ABCB4: variants seen among roughly 807,000 people sequenced by gnomAD.
The protein encoded by ABCB4 is phosphatidylcholine translocator ABCB4.
In ABCB4, 76 loss-of-function variants were observed where a neutral mutation model predicts 145.7. That is an observed-to-expected ratio of 0.52 (90% CI 0.43 to 0.63). The LOEUF (loss-of-function observed/expected upper bound fraction) is 0.63, where lower values mean the gene tolerates loss of function less well. Among genes scored for constraint, ABCB4 ranks in the 30% least tolerant of loss-of-function variants. The probability of loss-of-function intolerance (pLI) is 0.00; values close to 1 mark genes in which losing one functional copy is unlikely to be tolerated. For missense variants in ABCB4, 1,234 were observed against 1,553.1 expected, an observed-to-expected ratio of 0.79 and a Z score of 3.45; for synonymous variants, 517 against 566.8, an observed-to-expected ratio of 0.91 and a Z score of 1.25.
At chr7:87,465,690 T>C (rs1812833933) in intron 3 of ABCB4, among the ~76,000 whole-genome samples, 1 of 152,126 alleles carries the variant, frequency 6.6e-6, no homozygotes, top group South Asian at 2.1e-4. Context: ...CGGGCAGCCC[T>C]CTGAGACGAA....
intron 26 of ABCB4, among the ~76,000 whole-genome samples, chr7:87,404,967 T>C (rs1201616140): frequency 6.6e-6 from 1 of 152,216 alleles, no homozygotes; most frequent in East Asian, 1.9e-4. Flanking sequence ...AGCAGTGGCT[T>C]ATAAACTAAA....
At chr7:87,379,148 C>T in the ABCB4 span, among the ~76,000 whole-genome samples, 1 of 152,110 alleles carries the variant, frequency 6.6e-6, no homozygotes, top group African/African-American at 2.4e-5. Flanking sequence ...TGGCTTCTTC[C>T]CTTCATTTCC....
the ABCB4 span, among the ~76,000 whole-genome samples, chr7:87,387,506 G>A: frequency 3.9e-4 from 59 of 151,598 alleles, no homozygotes; most frequent in Non-Finnish European, 7.1e-4. Context: ...ATGGAGGTTA[G>A]GGGTCCCCAA....
chr7:87,462,871 G>A lies in ABCB4; in HGVS notation c.173C>T (p.Ser58Leu), dbSNP rs369983965. 49 of 1,613,532 alleles carry A rather than the reference G, an allele frequency of 3.0e-5. No individual in the cohort carries two copies. The highest frequency in any genetic ancestry group is 4.4e-5 in the South Asian group (4 of 91,038). Residue 58 changes from serine to leucine, a missense_variant, in exon 4 of 28, where the codon TCG becomes TTG. Physicochemically the swap from Ser to Leu is moderately radical, Grantham distance 145 (BLOSUM62 -2). Around this residue, in one of 7 missense-constraint regions of ABCB4, gnomAD observed 77 missense variants for 73.3 expected, o/e 1.05. Transcript: ENST00000649586. ...AGCTATGGCCATGATGGTACCCAGC[G>A]ACATAAACAATTTATCCTGCCAATC... ...YSDWQDKLFM[S>L]LGTIMAIAHG...
intron 4 of ABCB4, among the ~76,000 whole-genome samples, chr7:87,461,367 T>TC (rs978623161): frequency 6.6e-6 from 1 of 152,214 alleles, no homozygotes; most frequent in Non-Finnish European, 1.5e-5. Flanking sequence ...CACTTTTTTT[T>TC]CCGAATCATC....
chr7:87,419,593 T>C (rs1199878212), intron 19 of ABCB4, among the ~76,000 whole-genome samples: 1 of 152,078 alleles, frequency 6.6e-6, no homozygotes, highest in Non-Finnish European at 1.5e-5. Flanking sequence ...GTTAGTATGG[T>C]AGATTGTGGT....
At chr7:87,369,058 T>C in the ABCB4 span, among the ~76,000 whole-genome samples, 1 of 152,176 alleles carries the variant, frequency 6.6e-6, no homozygotes, top group Non-Finnish European at 1.5e-5. Flanking sequence ...ATTCCACTGG[T>C]CTCCTTCTCC....
At chr7:87,367,910 C>T in the ABCB4 span, among the ~76,000 whole-genome samples, 1 of 152,224 alleles carries the variant, frequency 6.6e-6, no homozygotes, top group Non-Finnish European at 1.5e-5. Flanking sequence ...CATACCTTCT[C>T]TTCACCCTTG....
chr7:87,416,350 G>A (rs1178070681), intron 21 of ABCB4, among the ~76,000 whole-genome samples: 1 of 152,190 alleles, frequency 6.6e-6, no homozygotes, highest in Non-Finnish European at 1.5e-5. Context: ...CTTCCCTATA[G>A]AGATACTGTC....
At position 87,443,207 on chromosome 7, in the gene ABCB4, G is replaced by T. The variant is rs2116713440; in HGVS notation, c.1356+112C>A. 8 of 1,413,710 alleles carry T rather than the reference G, an allele frequency of 5.7e-6. No individual in the cohort carries two copies. The South Asian group carries it at 9.3e-5, about 16-fold the overall frequency. 87.6% of individuals were successfully genotyped at this position (1,413,710 alleles called of 1,614,324 possible). On this transcript the variant is annotated intron_variant, in intron 12 of 27. Coordinates refer to ENST00000649586, the MANE Select transcript of ABCB4 (RefSeq NM_000443.4). ...TATCCATCGGCATTGCCATTTTGTAGGCTTTTTACCAAAACTGGATTCACA... is the reference window on the plus strand; with the variant it reads ...TATCCATCGGCATTGCCATTTTGTATGCTTTTTACCAAAACTGGATTCACA...
At chr7:87,381,872 C>A in the ABCB4 span, 1 of 1,400,226 alleles carries the variant, frequency 7.1e-7, no homozygotes, top group Non-Finnish European at 1.0e-6. Flanking sequence ...TTTAAGTTGA[C>A]ATAAAGTATT....
chr7:87,406,293 G>T lies in ABCB4; in HGVS notation c.3481C>A (p.Pro1161Thr), dbSNP rs121918442. Residue 1161 changes from proline (P) to threonine (T), a missense_variant, in exon 26 of 28, where the codon CCC becomes ACC. Physicochemically the swap from Pro to Thr is conservative, Grantham distance 38. Coordinates refer to ENST00000649586, the MANE Select transcript of ABCB4 (RefSeq NM_000443.4). The stretch of plus-strand genomic sequence containing the variant: ...TCAGCTACTCTTTAACTTACGTGGG[G>T]TAACGTCTCGATGAAAGGATGTATG... ...ANIHPFIETL[P>T]HKYETRVGDK... The T allele has an allele frequency of 1.2e-6, 2 of 1,613,898 alleles. No individual in the cohort carries two copies. Among genetic ancestry groups the T allele is most frequent in the African/African-American group, 1.3e-5 (1 of 74,884 alleles).
chr7:87,367,597 ACTTTT>A, the ABCB4 span, among the ~76,000 whole-genome samples: 3 of 152,144 alleles, frequency 2.0e-5, no homozygotes, highest in East Asian at 1.9e-4. Context: ...AAATTCATAT[ACTTTT>A]CTTTTCTTTT....
intron 4 of ABCB4, among the ~76,000 whole-genome samples, chr7:87,458,415 G>A (rs4148816): frequency 0.27 from 40,555 of 152,046 alleles, 6,555 homozygotes; most frequent in African/African-American, 0.46. Context: ...CTTGTAATAT[G>A]AACCTTTTTT....
At chr7:87,387,551 C>T in the ABCB4 span, among the ~76,000 whole-genome samples, 1 of 151,756 alleles carries the variant, frequency 6.6e-6, no homozygotes, top group African/African-American at 2.4e-5. Context: ...AGTGTGTGAC[C>T]AGAAGTCTTA....
chr7:87,414,510 C>T (rs1808837034), intron 21 of ABCB4, among the ~76,000 whole-genome samples: 2 of 152,192 alleles, frequency 1.3e-5, no homozygotes, highest in African/African-American at 4.8e-5. Flanking sequence ...TTACCCAAAC[C>T]AGCCAGAGCA....
chr7:87,372,787 T>C, the ABCB4 span, among the ~76,000 whole-genome samples: 1 of 152,164 alleles, frequency 6.6e-6, no homozygotes, highest in East Asian at 1.9e-4. Context: ...ATGAATACTT[T>C]ATTCCTTTTT....
intron 3 of ABCB4, among the ~76,000 whole-genome samples, chr7:87,466,590 A>G (rs1479948005): frequency 6.6e-6 from 1 of 152,224 alleles, no homozygotes; most frequent in Non-Finnish European, 1.5e-5. Context: ...TCCAAGAAAC[A>G]TAATTGTCAG....
Position 87,454,554 on chromosome 7 carries a change from G to A in ABCB4, c.325C>T (p.Leu109=). 1.9e-6 allele frequency: 3 copies of A among 1,611,174 alleles called. No individual in the cohort carries two copies. Among genetic ancestry groups the A allele is most frequent in the Non-Finnish European group, 2.5e-6 (3 of 1,178,290 alleles). ...AGTTACCTAGTCATTTCTTCTTCCA[G>A]AATTTTGCCTGGATTTAGCAGCGAC... ...SLSLLNPGKI[L]EEEMTRYAYY... Residue 109 remains leucine (L), a synonymous_variant, in exon 5 of 28, where the codon CTG becomes TTG. Transcript: ENST00000649586.
Sources: gnomAD v4.1 joint callset for allele counts (sites outside exome capture counted in the v4.1 genomes callset) on GRCh38, gnomAD v4.1.1 for gene constraint, gnomAD v4.1.1 regional missense constraint, MANE v1.5 for transcripts, NCBI Gene and HGNC (gene_info 2026-07-23, HGNC 2026-07-21) for gene names.